The following ERG variants were observed in gnomAD, a reference collection of about 807,000 sequenced individuals.
ERG encodes ETS transcription factor ERG.
A neutral mutation model predicts 55.3 loss-of-function variants in ERG; 9 were observed. The ratio of observed to expected loss-of-function variants is 0.16; its 90% CI spans 0.10 to 0.28. ERG has a LOEUF of 0.28. ERG is among the 10% of genes least tolerant of loss of function. The pLI, the probability that ERG is intolerant of heterozygous loss-of-function variation, is 1.00. For missense variants in ERG, 434 were observed against 631.6 expected, an observed-to-expected ratio of 0.69 and a Z score of 3.35; for synonymous variants, 223 against 237.3, an observed-to-expected ratio of 0.94 and a Z score of 0.55.
intron 1 of ERG, among the ~76,000 whole-genome samples, chr21:38,621,075 G>A: frequency 6.6e-6 from 1 of 152,238 alleles, no homozygotes; most frequent in East Asian, 1.9e-4. Context: ...TTGGATACAG[G>A]AATTTGAGTG....
At chr21:38,572,696 A>C (rs964377798) in intron 2 of ERG, among the ~76,000 whole-genome samples, 1 of 152,222 alleles carries the variant, frequency 6.6e-6, no homozygotes. Flanking sequence ...TTGCCAGTTC[A>C]TCTCTCCAAA....
intron 2 of ERG, among the ~76,000 whole-genome samples, chr21:38,545,932 C>G (rs1424167332): frequency 6.6e-6 from 1 of 152,222 alleles, no homozygotes; most frequent in Non-Finnish European, 1.5e-5. Context: ...CTACAGACTT[C>G]TCCTCTCTTC....
intron 1 of ERG, chr21:38,472,089 A>C (rs2059144526): frequency 6.6e-6 from 1 of 152,192 alleles, no homozygotes; most frequent in South Asian, 2.1e-4. Context: ...ACCTGAAACA[A>C]AAGATACACC....
chr21:38,557,661 G>A (rs1480805979), intron 2 of ERG, among the ~76,000 whole-genome samples: 1 of 152,106 alleles, frequency 6.6e-6, no homozygotes, highest in African/African-American at 2.4e-5. Flanking sequence ...GAGAATAAGA[G>A]TGACAATTTA....
chr21:38,545,492 T>A (rs933560134), intron 2 of ERG, among the ~76,000 whole-genome samples: 9 of 152,136 alleles, frequency 5.9e-5, no homozygotes, highest in African/African-American at 2.2e-4. Flanking sequence ...CCCTCCTGCA[T>A]CTCCTCCCTT....
At chr21:38,442,508 C>G (rs902583555) in intron 2 of ERG, among the ~76,000 whole-genome samples, 5 of 152,226 alleles carry the variant, frequency 3.3e-5, no homozygotes, top group Admixed American at 2.6e-4. Context: ...AAAAACCACC[C>G]AAGAGCTTTC....
intron 2 of ERG, among the ~76,000 whole-genome samples, chr21:38,560,468 C>G (rs2059886192): frequency 6.6e-6 from 1 of 152,194 alleles, no homozygotes; most frequent in Non-Finnish European, 1.5e-5. Flanking sequence ...CAAAGGCAAG[C>G]TCTGCTCCAG....
At chr21:38,527,164 T>C (rs556566613) in intron 2 of ERG, among the ~76,000 whole-genome samples, 4 of 152,308 alleles carry the variant, frequency 2.6e-5, no homozygotes, top group Non-Finnish European at 5.9e-5. Context: ...TATCCCACAC[T>C]AGCCCTTGGT....
chr21:38,390,921 T>C (rs1987939849), intron 9 of ERG, 74 bp downstream of exon 9: 4 of 1,196,902 alleles, frequency 3.3e-6, no homozygotes, highest in Non-Finnish European at 5.0e-6. Context: ...TTCTCACCAA[T>C]ACCAATTTAC....
At chr21:38,646,017 G>C (rs1224254478) in intron 1 of ERG, among the ~76,000 whole-genome samples, 1 of 152,096 alleles carries the variant, frequency 6.6e-6, no homozygotes, top group Non-Finnish European at 1.5e-5. Context: ...GGTGGCTCAC[G>C]CCTGTAATCC....
At chr21:38,463,568 G>A (rs910481194) in intron 1 of ERG, among the ~76,000 whole-genome samples, 1 of 152,294 alleles carries the variant, frequency 6.6e-6, no homozygotes, top group Admixed American at 6.5e-5. Flanking sequence ...TAAGTGTGTC[G>A]ACTGGATGAC....
chr21:38,431,980 G>A (rs557381837), intron 2 of ERG, among the ~76,000 whole-genome samples: 103 of 152,210 alleles, frequency 6.8e-4, no homozygotes, highest in African/African-American at 2.3e-3. Flanking sequence ...ACCTGTCAGA[G>A]AAGTCAATGC....
At chr21:38,474,929 C>T (rs557048378) in intron 1 of ERG, among the ~76,000 whole-genome samples, 37 of 152,280 alleles carry the variant, frequency 2.4e-4, no homozygotes, top group South Asian at 8.3e-4. Context: ...GTGATCACAG[C>T]GTGGCGGCTC....
chr21:38,536,388 A>G (rs1310924139), intron 2 of ERG, among the ~76,000 whole-genome samples: 1 of 152,074 alleles, frequency 6.6e-6, no homozygotes, highest in Non-Finnish European at 1.5e-5. Context: ...CCAGGTTTAA[A>G]ATACTCTTCT....
At chr21:38,485,902 C>A (rs1462875177) in intron 1 of ERG, among the ~76,000 whole-genome samples, 1 of 151,868 alleles carries the variant, frequency 6.6e-6, no homozygotes, top group Non-Finnish European at 1.5e-5. Flanking sequence ...TACAGGTGTA[C>A]AGGTGTATCA....
At chr21:38,581,595 A>G (rs2060028959) in intron 1 of ERG, among the ~76,000 whole-genome samples, 1 of 152,172 alleles carries the variant, frequency 6.6e-6, no homozygotes, top group Non-Finnish European at 1.5e-5. Context: ...TCAGGAGAGG[A>G]GAGGAGCTAG....
intron 1 of ERG, among the ~76,000 whole-genome samples, chr21:38,580,237 G>C: frequency 6.6e-6 from 1 of 152,190 alleles, no homozygotes; most frequent in Non-Finnish European, 1.5e-5. Flanking sequence ...ACAGGCGTGA[G>C]CCACCACACC....
At position 38,480,057 on chromosome 21, in the gene ERG, C is replaced by G. The variant is rs1006844346; in HGVS notation, c.18+18306G>C. 5.9e-5 allele frequency among the ~76,000 whole-genome samples: 9 copies of G among 152,240 alleles called. No homozygotes were observed. The East Asian group carries it at 1.7e-3, about 29-fold the overall frequency. On this transcript the variant is annotated intron_variant, in intron 1 of 9. Coordinates refer to ENST00000288319, the MANE Select transcript of ERG (RefSeq NM_182918.4). ...ACACATAAGCACTGTGATACCGTGA[C>G]AGTCGATCCCATAACCAAGAGGGCT...
chr21:38,635,331 C>A (rs2060381731), intron 1 of ERG, among the ~76,000 whole-genome samples: 1 of 152,026 alleles, frequency 6.6e-6, no homozygotes, highest in African/African-American at 2.4e-5. Flanking sequence ...ATAAAACATA[C>A]AACACCAAGA....
Sources: allele counts gnomAD v4.1 joint callset (sites outside exome capture counted in the v4.1 genomes callset), GRCh38; gene constraint gnomAD v4.1.1; transcripts MANE v1.5; gene names NCBI Gene and HGNC (gene_info 2026-07-23, HGNC 2026-07-21).